Variants in FBXO31 observed in about 807,000 individuals in gnomAD.
FBXO31 encodes F-box protein 31.
A neutral mutation model predicts 54.4 loss-of-function variants in FBXO31; 24 were observed. The observed-to-expected ratio is 0.44, with a 90% CI of 0.32 to 0.62. The LOEUF (loss-of-function observed/expected upper bound fraction) is 0.62, where lower values mean the gene tolerates loss of function less well. Among genes scored for constraint, FBXO31 ranks in the 20% least tolerant of loss-of-function variants. The pLI, the probability that FBXO31 is intolerant of heterozygous loss-of-function variation, is 0.05. For missense variants in FBXO31, 665 were observed against 787.1 expected, an observed-to-expected ratio of 0.84 and a Z score of 1.86; for synonymous variants, 388 against 335.6, an observed-to-expected ratio of 1.16 and a Z score of -1.71.
At chr16:87,339,907 G>C (rs1905139338) in intron 5 of FBXO31, among the ~76,000 whole-genome samples, 1 of 152,256 alleles carries the variant, frequency 6.6e-6, no homozygotes, top group Admixed American at 6.5e-5. Flanking sequence ...GGCTGAGGTA[G>C]GAGGATCACT....
chr16:87,349,667 G>A (rs993093207), intron 2 of FBXO31, among the ~76,000 whole-genome samples: 5 of 151,570 alleles, frequency 3.3e-5, no homozygotes, highest in African/African-American at 7.3e-5. Flanking sequence ...CCGAGACCAC[G>A]CCACTGCACT....
intron 1 of FBXO31, among the ~76,000 whole-genome samples, chr16:87,374,171 G>A (rs557845203): frequency 8.5e-5 from 13 of 152,100 alleles, no homozygotes; most frequent in African/African-American, 3.1e-4. Flanking sequence ...GAGCCTAGGA[G>A]GTCAAAGTTG....
chr16:87,347,698 A>AC (rs1251497099), intron 2 of FBXO31, among the ~76,000 whole-genome samples: 5 of 151,848 alleles, frequency 3.3e-5, no homozygotes, highest in African/African-American at 1.2e-4. Flanking sequence ...AAAAAAAAAA[A>AC]AAACTATCAG....
At chr16:87,344,713 A>C (rs1174997496) in intron 3 of FBXO31, among the ~76,000 whole-genome samples, 1 of 152,180 alleles carries the variant, frequency 6.6e-6, no homozygotes, top group African/African-American at 2.4e-5. Flanking sequence ...AAGAAAGGAA[A>C]GCAATCTGCC....
upstream of FBXO31, among the ~76,000 whole-genome samples, chr16:87,390,853 C>T (rs962572402): frequency 3.3e-5 from 5 of 152,318 alleles, no homozygotes; most frequent in East Asian, 7.7e-4. Context: ...CAGCCTCTGC[C>T]TCCCTGAGAG....
In FBXO31 at chr16:87,331,480, G is replaced by A. The variant is rs111674976; in HGVS notation, c.1428C>T (p.His476=). The change falls in exon 9 of 9, where the codon CAC becomes CAT. Residue 476 remains histidine, a synonymous_variant. Coordinates refer to ENST00000311635, the MANE Select transcript of FBXO31 (RefSeq NM_024735.5). The part of the protein sequence containing the change: ...CFYGTGLIAG[H]GFTSPERTPG... ...GGGTGCGTTCAGGGCTGGTGAAGCCGTGGCCCGCGATGAGGCCTGTGCCAT... is the reference window on the plus strand; with the variant it reads ...GGGTGCGTTCAGGGCTGGTGAAGCCATGGCCCGCGATGAGGCCTGTGCCAT... 6.4e-5 allele frequency: 103 copies of A among 1,611,234 alleles called. 2 individuals carry two copies. Among genetic ancestry groups the A allele is most frequent in the African/African-American group, 5.7e-4 (43 of 75,022 alleles).
At chr16:87,337,209 A>C (rs551926229) in intron 5 of FBXO31, among the ~76,000 whole-genome samples, 23 of 152,370 alleles carry the variant, frequency 1.5e-4, no homozygotes, top group African/African-American at 4.3e-4. Flanking sequence ...TCAAAAAAAC[A>C]TAAGACTTGG....
chr16:87,352,975 G>A lies in FBXO31; in HGVS notation c.413-5725C>T, dbSNP rs527902197. 5.3e-5 allele frequency among the ~76,000 whole-genome samples: 8 copies of A among 152,292 alleles called. No homozygotes were observed. In the East Asian group the frequency reaches 7.7e-4, roughly 15 times the overall value. On this transcript the variant is annotated intron_variant, in intron 2 of 8. Transcript: ENST00000311635. ...CAGGTGGGCTCCATGCTAGGAGACC[G>A]GCGGGGATGGAGATTTTGTGGGTGG...
chr16:87,343,518 G>A, intron 4 of FBXO31, 80 bp downstream of exon 4: 1 of 1,499,264 alleles, frequency 6.7e-7, no homozygotes, highest in Non-Finnish European at 9.0e-7. Flanking sequence ...CTGCAGCTGA[G>A]AATAGCACGG....
chr16:87,384,437 G>C (rs940229218), upstream of FBXO31, among the ~76,000 whole-genome samples: 1 of 152,128 alleles, frequency 6.6e-6, no homozygotes, highest in African/African-American at 2.4e-5. Flanking sequence ...GAGATCCGGG[G>C]ATGCGCGCCC....
chr16:87,373,430 C>G (rs866231496), intron 1 of FBXO31, among the ~76,000 whole-genome samples: 1 of 151,880 alleles, frequency 6.6e-6, no homozygotes, highest in African/African-American at 2.4e-5. Context: ...CCAGCCTGGG[C>G]GACAGAGCGA....
At chr16:87,387,338 CGAG>C (rs1907357792), upstream of FBXO31, among the ~76,000 whole-genome samples, 2 of 152,052 alleles carry the variant, frequency 1.3e-5, no homozygotes, top group Non-Finnish European at 2.9e-5. Context: ...CATTCTAAAA[CGAG>C]GAAGAACTAG....
At chr16:87,348,732 T>G (rs1905509274) in intron 2 of FBXO31, among the ~76,000 whole-genome samples, 1 of 152,174 alleles carries the variant, frequency 6.6e-6, no homozygotes. Context: ...AGCCATCATA[T>G]GAGGGCTGCC....
At position 87,355,082 on chromosome 16, in the gene FBXO31, G is replaced by A. The variant is rs1173834697; in HGVS notation, c.412+5213C>T. The stretch of plus-strand genomic sequence containing the variant: ...CACTCAGGGATGTTAGCTCAGCCAG[G>A]CGCAGTGGCTCACGCCTGTAATCCC... On this transcript the variant is annotated intron_variant, in intron 2 of 8. Coordinates refer to ENST00000311635, the MANE Select transcript of FBXO31 (RefSeq NM_024735.5). Among the ~76,000 whole-genome samples, 5 of 152,290 alleles carry A rather than the reference G, an allele frequency of 3.3e-5. No homozygotes were observed. In the East Asian group the frequency reaches 9.7e-4, roughly 29 times the overall value.
intron 8 of FBXO31, among the ~76,000 whole-genome samples, chr16:87,332,793 G>A (rs920103270): frequency 4.0e-5 from 6 of 151,886 alleles, no homozygotes; most frequent in African/African-American, 7.3e-5. Flanking sequence ...GAAGTTTAGC[G>A]GGAAATACAG....
intron 5 of FBXO31, among the ~76,000 whole-genome samples, chr16:87,339,012 C>T (rs1433556286): frequency 1.3e-5 from 2 of 152,102 alleles, no homozygotes; most frequent in South Asian, 2.1e-4. Context: ...TTTTGCCTGC[C>T]GCCATGTAAG....
intron 3 of FBXO31, among the ~76,000 whole-genome samples, chr16:87,344,006 G>C (rs1905277580): frequency 6.6e-6 from 1 of 152,238 alleles, no homozygotes; most frequent in African/African-American, 2.4e-5. Flanking sequence ...GTGCCGACCA[G>C]ACAGAGGGAA....
At chr16:87,351,533 C>CT (rs1199997719) in intron 2 of FBXO31, among the ~76,000 whole-genome samples, 1 of 152,138 alleles carries the variant, frequency 6.6e-6, no homozygotes. Context: ...CGAGGGCTCA[C>CT]TTCTGGGCAG....
upstream of FBXO31, among the ~76,000 whole-genome samples, chr16:87,390,214 G>A (rs947091657): frequency 2.0e-5 from 3 of 152,122 alleles, no homozygotes; most frequent in African/African-American, 7.2e-5. Context: ...CCGGGAGGTG[G>A]AGGTTGCAGT....
Sources: allele counts gnomAD v4.1 joint callset (sites outside exome capture counted in the v4.1 genomes callset), GRCh38; gene constraint gnomAD v4.1.1; transcripts MANE v1.5; gene names NCBI Gene and HGNC (gene_info 2026-07-23, HGNC 2026-07-21).